The following RSU1 variants were observed in gnomAD, a reference collection of about 807,000 sequenced individuals.
RSU1 encodes the protein Ras suppressor protein 1, also known as rsu-1.
In RSU1, 26 loss-of-function variants were observed where a neutral mutation model predicts 31.1. The ratio of observed to expected loss-of-function variants is 0.84; its 90% CI spans 0.61 to 1.16. RSU1 has a LOEUF of 1.16. Among genes scored for constraint, RSU1 ranks in the 50% most tolerant of loss-of-function variants. RSU1 has a pLI of 0.00. For synonymous variants in RSU1, 164 were observed against 136.3 expected (o/e 1.20, Z -1.41); for missense variants, 320 against 339.1 (o/e 0.94, Z 0.44).
intron 8 of RSU1, among the ~76,000 whole-genome samples, chr10:16,661,697 C>T (rs1834894137): frequency 6.6e-6 from 1 of 152,080 alleles, no homozygotes; most frequent in African/African-American, 2.4e-5. Flanking sequence ...AGGGGGTAGC[C>T]CCTTTGAATG....
intron 7 of RSU1, among the ~76,000 whole-genome samples, chr10:16,743,098 G>C (rs1836783858): frequency 1.3e-5 from 2 of 152,224 alleles, no homozygotes; most frequent in South Asian, 2.1e-4. Context: ...TAAAACGTAG[G>C]AGCATGCAAT....
intron 7 of RSU1, among the ~76,000 whole-genome samples, chr10:16,737,596 C>T (rs1335493402): frequency 6.6e-6 from 1 of 151,646 alleles, no homozygotes. Context: ...ACAATAAATA[C>T]AAAAGAAAAA....
intron 8 of RSU1, among the ~76,000 whole-genome samples, chr10:16,599,527 C>G (rs896044190): frequency 3.9e-5 from 6 of 152,234 alleles, no homozygotes; most frequent in African/African-American, 1.4e-4. Flanking sequence ...CTTCGACACC[C>G]TACTCAGCCC....
chr10:16,653,366 A>C (rs189801938), intron 8 of RSU1, among the ~76,000 whole-genome samples: 5 of 152,320 alleles, frequency 3.3e-5, no homozygotes, highest in Admixed American at 3.3e-4. Context: ...CCTACACATA[A>C]TTCTTCTCAC....
chr10:16,785,422 A>G (rs1360521341), intron 2 of RSU1, among the ~76,000 whole-genome samples: 1 of 141,234 alleles, frequency 7.1e-6, no homozygotes, highest in Non-Finnish European at 1.5e-5. Context: ...ATATATACAT[A>G]TATACATATA....
At chr10:16,780,251 T>G (rs1279225685) in intron 3 of RSU1, among the ~76,000 whole-genome samples, 6 of 152,194 alleles carry the variant, frequency 3.9e-5, no homozygotes, top group Admixed American at 3.9e-4. Flanking sequence ...ATAATAGAAA[T>G]AAAGGTTTTG....
At chr10:16,654,307 AC>A (rs570292935) in intron 8 of RSU1, among the ~76,000 whole-genome samples, 137 of 145,434 alleles carry the variant, frequency 9.4e-4, no homozygotes, top group Admixed American at 2.8e-3. Flanking sequence ...ATATGGTGTG[AC>A]CCTGAAACAC....
chr10:16,810,020 C>G (rs1185470957), intron 2 of RSU1, among the ~76,000 whole-genome samples: 2 of 151,262 alleles, frequency 1.3e-5, no homozygotes, highest in African/African-American at 2.4e-5. Context: ...CACCTGAGGT[C>G]AGGAGTTCAA....
intron 7 of RSU1, among the ~76,000 whole-genome samples, chr10:16,733,327 C>T (rs1470440458): frequency 2.0e-5 from 2 of 102,324 alleles, no homozygotes; most frequent in Non-Finnish European, 3.7e-5. Flanking sequence ...CCCATCTCTA[C>T]GACAATAAAA....
At chr10:16,706,213 A>G (rs547942135) in intron 7 of RSU1, among the ~76,000 whole-genome samples, 3 of 152,308 alleles carry the variant, frequency 2.0e-5, no homozygotes, top group Admixed American at 2.0e-4. Flanking sequence ...CTGTCATACA[A>G]TTTTCCATTT....
chr10:16,596,243 C>T lies in RSU1; in HGVS notation c.732-2747G>A, dbSNP rs115870475. On this transcript the variant is annotated intron_variant, in intron 8 of 8. Transcript: ENST00000345264. The stretch of plus-strand genomic sequence containing the variant: ...ATGTTACCTTACATGACAAAAGGGG[C>T]TCTGCAGGTGTCGAAGTTAAGGACC... Among the ~76,000 whole-genome samples, 787 of 152,268 alleles carry T rather than the reference C, an allele frequency of 5.2e-3. 9 individuals are homozygous for T. The highest frequency in any genetic ancestry group is 0.018 in the African/African-American group (755 of 41,532).
intron 2 of RSU1, among the ~76,000 whole-genome samples, chr10:16,808,126 T>C (rs1295053151): frequency 6.6e-6 from 1 of 151,880 alleles, no homozygotes; most frequent in Non-Finnish European, 1.5e-5. Context: ...GGTGAGCCCT[T>C]CGGGGCTAGG....
intron 8 of RSU1, among the ~76,000 whole-genome samples, chr10:16,611,470 G>A (rs1339082203): frequency 6.6e-6 from 1 of 152,186 alleles, no homozygotes; most frequent in Admixed American, 6.5e-5. Context: ...CTAAAGAAAA[G>A]GTGAGATCCG....
chr10:16,724,921 A>T (rs72774631), intron 7 of RSU1, among the ~76,000 whole-genome samples: 17,863 of 152,278 alleles, frequency 0.12, 2,621 homozygotes, highest in African/African-American at 0.35. Context: ...GAAGCCAGAA[A>T]GCATACTGAA....
intron 8 of RSU1, among the ~76,000 whole-genome samples, chr10:16,658,703 G>C (rs1319271435): frequency 1.3e-5 from 2 of 152,178 alleles, no homozygotes; most frequent in Non-Finnish European, 2.9e-5. Flanking sequence ...TAACCTGGGT[G>C]ACAGAGTGAG....
chr10:16,722,973 T>C (rs145607740), intron 7 of RSU1: 82 of 149,086 alleles, frequency 5.5e-4, no homozygotes, highest in African/African-American at 1.6e-3. Flanking sequence ...TACATATATG[T>C]ATATATACAC....
At chr10:16,694,640 G>A (rs1222540289) in intron 8 of RSU1, among the ~76,000 whole-genome samples, 1 of 152,124 alleles carries the variant, frequency 6.6e-6, no homozygotes, top group Non-Finnish European at 1.5e-5. Context: ...GCATGACCAC[G>A]ACTCTGTGCA....
At chr10:16,808,399 G>A (rs1838322550) in intron 2 of RSU1, among the ~76,000 whole-genome samples, 1 of 150,872 alleles carries the variant, frequency 6.6e-6, no homozygotes, top group South Asian at 2.1e-4. Context: ...CAGGAGAATC[G>A]CTGGAACCTG....
intron 3 of RSU1, among the ~76,000 whole-genome samples, chr10:16,775,518 G>T (rs1463949700): frequency 6.6e-6 from 1 of 152,160 alleles, no homozygotes; most frequent in Non-Finnish European, 1.5e-5. Context: ...CAAAAGGAAT[G>T]GGGGTGGGGG....
Sources: allele counts gnomAD v4.1 joint callset (sites outside exome capture counted in the v4.1 genomes callset), GRCh38; gene constraint gnomAD v4.1.1; transcripts MANE v1.5; gene names NCBI Gene and HGNC (gene_info 2026-07-23, HGNC 2026-07-21).